Variants in MYOZ3 observed in about 807,000 individuals in gnomAD.
MYOZ3 encodes the protein myozenin-3.
Under a neutral mutation model 26.5 loss-of-function variants are expected in MYOZ3, and 19 were observed. The observed-to-expected ratio is 0.72, with a 90% CI of 0.50 to 1.05. The LOEUF is 1.05. Ranked by LOEUF, MYOZ3 falls within the 50% of genes least tolerant of loss-of-function variation. The pLI is 0.00. For missense variants in MYOZ3, 322 were observed against 337.1 expected (o/e 0.96, Z 0.35); for synonymous variants, 135 against 138.8 (o/e 0.97, Z 0.19).
intron 6 of MYOZ3, among the ~76,000 whole-genome samples, chr5:150,676,073 T>C (rs1485175320): frequency 6.6e-6 from 1 of 152,190 alleles, no homozygotes; most frequent in Non-Finnish European, 1.5e-5. Flanking sequence ...TTTCTAATGC[T>C]CTCTTCTCTC....
intron 2 of MYOZ3, chr5:150,670,070 G>A (rs1253697354): frequency 6.4e-6 from 1 of 155,490 alleles, no homozygotes; most frequent in Non-Finnish European, 1.4e-5. Context: ...TCCGTGAATG[G>A]CTGCTCTATC....
chr5:150,663,035 A>T (rs1373137595), intron 2 of MYOZ3, 33 bp downstream of exon 2: 1 of 1,563,824 alleles, frequency 6.4e-7, no homozygotes, highest in South Asian at 1.2e-5. Flanking sequence ...CCTTCCTCAG[A>T]CTCCATCATT....
At chr5:150,674,214 C>T (rs1486291727) in intron 6 of MYOZ3, among the ~76,000 whole-genome samples, 1 of 152,234 alleles carries the variant, frequency 6.6e-6, no homozygotes, top group Non-Finnish European at 1.5e-5. Context: ...GGCCCTCAGA[C>T]CCTGCCTGCC....
At chr5:150,671,240 G>A (rs1758904459) in intron 3 of MYOZ3, among the ~76,000 whole-genome samples, 2 of 152,216 alleles carry the variant, frequency 1.3e-5, no homozygotes, top group South Asian at 2.1e-4. Context: ...CCTTTGCTAT[G>A]TGCCTAAGAC....
chr5:150,670,462 C>T (rs1265517963), intron 2 of MYOZ3, 22 bp from the exon 3 acceptor site: 5 of 1,588,856 alleles, frequency 3.1e-6, no homozygotes, highest in East Asian at 2.3e-5. Context: ...TGGTGAGAGC[C>T]CGCTCTGGCC....
chr5:150,673,400 G>A (rs1047709633), intron 6 of MYOZ3: 3 of 152,134 alleles, frequency 2.0e-5, no homozygotes, highest in Non-Finnish European at 4.4e-5. Flanking sequence ...GAGTGCAATG[G>A]CGCAATCTCA....
Position 150,676,692 on chromosome 5 carries a change from GCT to G in MYOZ3, c.588-10_588-9del, listed in dbSNP as rs372292757. ...TTCCACACAGCCCACCTCTCCTGCT[GCT>G]CTCTTTCTCCAGGACCCCGGTGCCA... On this transcript the variant is annotated splice_polypyrimidine_tract_variant and intron_variant, in intron 6 of 6. Transcript: ENST00000517768. The G allele has an allele frequency of 6.2e-7, 1 of 1,611,940 alleles. No individual in the cohort carries two copies.
At chr5:150,664,554 G>T (rs1014019623) in intron 2 of MYOZ3, among the ~76,000 whole-genome samples, 1 of 152,220 alleles carries the variant, frequency 6.6e-6, no homozygotes, top group Non-Finnish European at 1.5e-5. Flanking sequence ...TACCATCATT[G>T]CATGCTTACT....
intron 2 of MYOZ3, 22 bp downstream of exon 2, chr5:150,663,024 G>T: frequency 6.3e-7 from 1 of 1,588,506 alleles, no homozygotes; most frequent in South Asian, 1.1e-5. Context: ...CTAGCCTCAT[G>T]CCTTCCTCAG....
intron 2 of MYOZ3, among the ~76,000 whole-genome samples, chr5:150,665,423 CTAA>C (rs2151444027): frequency 6.6e-6 from 1 of 152,266 alleles, no homozygotes; most frequent in Non-Finnish European, 1.5e-5. Context: ...CTCTTAGCCA[CTAA>C]TAAGGGGCAT....
chr5:150,670,238 A>C, intron 2 of MYOZ3: 1 of 376,570 alleles, frequency 2.7e-6, no homozygotes, highest in Non-Finnish European at 4.7e-6. Context: ...CAATAAACAC[A>C]AATGGCCAAA....
At chr5:150,671,550 TG>T in intron 3 of MYOZ3, 46 bp from the exon 4 acceptor site, 1 of 1,609,822 alleles carries the variant, frequency 6.2e-7, no homozygotes, top group South Asian at 1.1e-5. Flanking sequence ...CCTGGTCCCC[TG>T]CCCCGCTGAG....
In MYOZ3 at chr5:150,671,634, C is replaced by T. The variant is rs200282122; in HGVS notation, c.254C>T (p.Thr85Ile). The T allele has an allele frequency of 6.2e-7, 1 of 1,613,838 alleles. No individual in the cohort carries two copies. The highest frequency in any genetic ancestry group is 1.3e-5 in the African/African-American group (1 of 75,034). ...AGCGCCAGGAGGAAGGTGACTGGAACAGCGGAGTCGGGGACGGTGAGCGTG... is the reference window on the plus strand; with the variant it reads ...AGCGCCAGGAGGAAGGTGACTGGAATAGCGGAGTCGGGGACGGTGAGCGTG... The part of the protein sequence containing the change: ...AGSARRKVTG[T>I]AESGTVANAN... Residue 85 changes from threonine to isoleucine, a missense_variant, in exon 4 of 7, where the codon ACA (threonine) becomes ATA (isoleucine). Physicochemically the swap from Thr to Ile is moderately conservative, Grantham distance 89. Transcript: ENST00000517768.
chr5:150,666,984 C>T (rs1758820962), intron 2 of MYOZ3, among the ~76,000 whole-genome samples: 1 of 152,092 alleles, frequency 6.6e-6, no homozygotes, highest in Non-Finnish European at 1.5e-5. Context: ...GTCTTGAACT[C>T]CTGACCTCAA....
intron 2 of MYOZ3, among the ~76,000 whole-genome samples, chr5:150,665,865 A>C (rs562493315): frequency 6.6e-6 from 1 of 151,964 alleles, no homozygotes; most frequent in Non-Finnish European, 1.5e-5. Flanking sequence ...GAGAAACCCC[A>C]TCTCTACTAT....
chr5:150,675,231 T>TGC (rs202032028), intron 6 of MYOZ3, among the ~76,000 whole-genome samples: 21 of 152,040 alleles, frequency 1.4e-4, no homozygotes, highest in African/African-American at 2.2e-4. Context: ...GGCGTTTGTG[T>TGC]GTGTGTGGGG....
intron 3 of MYOZ3, 92 bp from the exon 4 acceptor site, chr5:150,671,505 C>G: frequency 7.3e-7 from 1 of 1,375,784 alleles, no homozygotes; most frequent in East Asian, 2.3e-5. Flanking sequence ...GGATTCTTGC[C>G]TCCCCCCGAC....
At chr5:150,668,118 T>C (rs1279095269) in intron 2 of MYOZ3, among the ~76,000 whole-genome samples, 1 of 152,196 alleles carries the variant, frequency 6.6e-6, no homozygotes, top group Non-Finnish European at 1.5e-5. Flanking sequence ...GTCACTCACT[T>C]GTTTGAAAAA....
chr5:150,666,775 T>A (rs1379140992), intron 2 of MYOZ3, among the ~76,000 whole-genome samples: 2 of 151,716 alleles, frequency 1.3e-5, no homozygotes, highest in Non-Finnish European at 2.9e-5. Context: ...TTTCTTTTTT[T>A]TTTGAGACAG....
Sources: allele counts gnomAD v4.1 joint callset (sites outside exome capture counted in the v4.1 genomes callset), GRCh38; gene constraint gnomAD v4.1.1; transcripts MANE v1.5; gene names NCBI Gene and HGNC (gene_info 2026-07-23, HGNC 2026-07-21).